Variants in ZMPSTE24 observed in about 807,000 individuals in gnomAD.
ZMPSTE24 encodes the protein zinc metallopeptidase STE24.
In ZMPSTE24, 48 loss-of-function variants were observed where a neutral mutation model predicts 56.7. The observed-to-expected ratio is 0.85, with a 90% CI of 0.67 to 1.08. The LOEUF is 1.08. Among genes scored for constraint, ZMPSTE24 ranks in the 50% least tolerant of loss-of-function variants. ZMPSTE24 has a pLI of 0.00. For synonymous variants in ZMPSTE24, 172 were observed against 195.2 expected (o/e 0.88, Z 0.99); for missense variants, 503 against 548.7 (o/e 0.92, Z 0.83).
intron 4 of ZMPSTE24, among the ~76,000 whole-genome samples, chr1:40,269,751 C>T (rs1643594223): frequency 6.6e-6 from 1 of 152,168 alleles, no homozygotes; most frequent in African/African-American, 2.4e-5. Context: ...CAGTTGTGAG[C>T]CACTGCACTC....
At chr1:40,292,384 G>T in intron 9 of ZMPSTE24, 61 bp from the exon 10 acceptor site, 1 of 1,525,588 alleles carries the variant, frequency 6.6e-7, no homozygotes, top group South Asian at 1.1e-5. Context: ...TCAGCTCATG[G>T]AACCTTTAGT....
intron 5 of ZMPSTE24, 79 bp from the exon 6 acceptor site, chr1:40,271,815 A>G: frequency 6.7e-7 from 1 of 1,493,900 alleles, no homozygotes. Flanking sequence ...AGTTGTTTTA[A>G]TATAATTTAA....
intron 6 of ZMPSTE24, among the ~76,000 whole-genome samples, chr1:40,278,130 A>G (rs1192680879): frequency 6.6e-6 from 1 of 152,150 alleles, no homozygotes; most frequent in Non-Finnish European, 1.5e-5. Context: ...AATAGCTTCT[A>G]TTTGTCAAAG....
At position 40,267,865 on chromosome 1, in the gene ZMPSTE24, A is replaced by C; in HGVS notation, c.350A>C (p.Glu117Ala). ...TGTGGTTATGCTGGCTTTGGACCAG[A>C]ATATGAGGTATGTGATTCATTAGCA... ...RFCGYAGFGP[E>A]YEITQSLVFL... is the part of the protein sequence containing the mutation. The change falls in exon 3 of 10, where the codon GAA becomes GCA. Residue 117 changes from glutamate to alanine, a missense_variant. Glu to Ala is a moderately radical substitution (Grantham distance 107). Transcript: ENST00000372759. The C allele has an allele frequency of 6.2e-7, 1 of 1,611,878 alleles. No homozygotes were observed. The highest frequency in any genetic ancestry group is 8.5e-7 in the Non-Finnish European group (1 of 1,178,040).
At chr1:40,267,731 A>G in intron 2 of ZMPSTE24, 55 bp from the exon 3 acceptor site, 1 of 1,311,780 alleles carries the variant, frequency 7.6e-7, no homozygotes, top group Admixed American at 1.7e-5. Flanking sequence ...ATGCTTTCTC[A>G]TATGATAGTT....
At chr1:40,268,340 G>A in intron 3 of ZMPSTE24, 79 bp from the exon 4 acceptor site, 2 of 926,214 alleles carry the variant, frequency 2.2e-6, no homozygotes, top group Non-Finnish European at 1.8e-6. Context: ...GATGTAGTAA[G>A]TAAGTGCTCA....
chr1:40,258,434 C>T (rs1643461092), intron 1 of ZMPSTE24, 40 bp downstream of exon 1: 3 of 1,613,328 alleles, frequency 1.9e-6, no homozygotes, highest in Non-Finnish European at 1.7e-6. Context: ...CCATACCCGG[C>T]CAGCCCTGGA....
chr1:40,285,883 T>G, intron 7 of ZMPSTE24, 42 bp from the exon 8 acceptor site: 1 of 1,533,124 alleles, frequency 6.5e-7, no homozygotes, highest in Admixed American at 1.7e-5. Flanking sequence ...TAAAACTTTT[T>G]AAAGGTTCTC....
chr1:40,269,553 A>G (rs1267259565), intron 4 of ZMPSTE24, among the ~76,000 whole-genome samples: 1 of 152,172 alleles, frequency 6.6e-6, no homozygotes, highest in African/African-American at 2.4e-5. Flanking sequence ...ACGACCTTCC[A>G]GATTCAAGCA....
chr1:40,259,970 G>A (rs907435100), intron 1 of ZMPSTE24, among the ~76,000 whole-genome samples: 1 of 149,982 alleles, frequency 6.7e-6, no homozygotes, highest in Non-Finnish European at 1.5e-5. Context: ...ATTTTGTTTG[G>A]TATCCATTCT....
chr1:40,281,622 G>A, intron 7 of ZMPSTE24, 95 bp downstream of exon 7: 5 of 1,281,586 alleles, frequency 3.9e-6, no homozygotes, highest in Non-Finnish European at 5.5e-6. Flanking sequence ...AGTGAGTGTT[G>A]AATTCAGGGA....
intron 8 of ZMPSTE24, among the ~76,000 whole-genome samples, chr1:40,288,313 A>G (rs11207778): frequency 0.085 from 12,983 of 152,278 alleles, 745 homozygotes; most frequent in African/African-American, 0.14. Context: ...GTGTGGATAC[A>G]TGGCACTGAG....
chr1:40,287,814 A>C (rs1022921377), intron 8 of ZMPSTE24, among the ~76,000 whole-genome samples: 1 of 152,166 alleles, frequency 6.6e-6, no homozygotes, highest in Non-Finnish European at 1.5e-5. Flanking sequence ...AAAAAGCACT[A>C]TATCATGTTG....
chr1:40,275,388 C>T (rs1643658384), intron 6 of ZMPSTE24, among the ~76,000 whole-genome samples: 1 of 151,068 alleles, frequency 6.6e-6, no homozygotes, highest in Non-Finnish European at 1.5e-5. Flanking sequence ...GAGTCAAGAT[C>T]GTGCCACTGC....
chr1:40,292,357 C>T (rs1330967650), intron 9 of ZMPSTE24, 88 bp from the exon 10 acceptor site: 2 of 1,333,454 alleles, frequency 1.5e-6, no homozygotes. Flanking sequence ...TATCCCAAGC[C>T]AAACTTCTCT....
At chr1:40,278,545 G>A (rs1238223361) in intron 6 of ZMPSTE24, among the ~76,000 whole-genome samples, 3 of 81,720 alleles carry the variant, frequency 3.7e-5, no homozygotes, top group Admixed American at 1.8e-4. Context: ...GCGACAGAGT[G>A]AGACTCCGTC....
At chr1:40,273,978 T>G (rs551554337) in intron 6 of ZMPSTE24, among the ~76,000 whole-genome samples, 12 of 152,188 alleles carry the variant, frequency 7.9e-5, no homozygotes, top group African/African-American at 2.6e-4. Context: ...CAGGGAAGGC[T>G]TTATGGAAGG....
intron 7 of ZMPSTE24, among the ~76,000 whole-genome samples, chr1:40,282,364 A>G (rs1442456049): frequency 6.6e-6 from 1 of 152,210 alleles, no homozygotes; most frequent in Non-Finnish European, 1.5e-5. Flanking sequence ...GATAAGAAAC[A>G]ATACAAACTG....
At chr1:40,279,455 CA>C (rs1365886074) in intron 6 of ZMPSTE24, among the ~76,000 whole-genome samples, 1 of 152,108 alleles carries the variant, frequency 6.6e-6, no homozygotes, top group African/African-American at 2.4e-5. Flanking sequence ...TTTTTGCCAA[CA>C]AGAAATACGT....
Sources: gnomAD v4.1 joint callset for allele counts (sites outside exome capture counted in the v4.1 genomes callset) on GRCh38, gnomAD v4.1.1 for gene constraint, MANE v1.5 for transcripts, NCBI Gene and HGNC (gene_info 2026-07-23, HGNC 2026-07-21) for gene names.